Variants in SLC25A28 observed in about 807,000 individuals in gnomAD.
The protein encoded by SLC25A28 is mitoferrin-2.
SLC25A28 carries 10 observed loss-of-function variants against 31.9 expected under a neutral mutation model. The observed-to-expected ratio is 0.31, with a 90% CI of 0.19 to 0.53. The LOEUF (loss-of-function observed/expected upper bound fraction) is 0.53, where lower values mean the gene tolerates loss of function less well. Ranked by LOEUF, SLC25A28 falls within the 20% of genes least tolerant of loss-of-function variation. SLC25A28 has a pLI of 0.95. For synonymous variants in SLC25A28, 208 were observed against 203.6 expected (o/e 1.02, Z -0.19); for missense variants, 256 against 490.3 (o/e 0.52, Z 4.51).
Position 99,613,712 on chromosome 10 carries a change from A to G in SLC25A28, c.504T>C (p.Asn168=). The change falls in exon 2 of 4, where the codon AAT becomes AAC. Residue 168 remains asparagine, a synonymous_variant. Transcript: ENST00000370495. The surrounding 1 kb of genome is among the most constrained non-coding windows in gnomAD (Gnocchi z 4.9). ...TLSDVIHPGG[N]SHIANGAAGC... ...GCTCAATACCATTGGCAATATGGCT[A>G]TTGCCCCCAGGGTGGATTACATCAC... 6.2e-7 allele frequency: 1 copy of G among 1,614,222 alleles called. No individual in the cohort carries two copies. Among genetic ancestry groups the G allele is most frequent in the Non-Finnish European group, 8.5e-7 (1 of 1,180,040 alleles).
At chr10:99,650,641 C>T in the SLC25A28 span, among the ~76,000 whole-genome samples, 1 of 151,870 alleles carries the variant, frequency 6.6e-6, no homozygotes, top group African/African-American at 2.4e-5. Context: ...GCTCACATCT[C>T]AGTCACACAG....
chr10:99,617,984 T>C (rs1431191092), intron 1 of SLC25A28, among the ~76,000 whole-genome samples: 1 of 152,248 alleles, frequency 6.6e-6, no homozygotes, highest in African/African-American at 2.4e-5. Flanking sequence ...AACGGGTTTA[T>C]AGGCCTCAGA....
upstream of SLC25A28, chr10:99,620,619 T>G: frequency 2.0e-6 from 2 of 997,294 alleles, no homozygotes; most frequent in Non-Finnish European, 2.4e-6. Context: ...CCTTTTCCCC[T>G]TTGATCTTAG....
chr10:99,622,636 T>G, upstream of SLC25A28: 2 of 985,340 alleles, frequency 2.0e-6, no homozygotes, highest in Non-Finnish European at 2.4e-6. Flanking sequence ...CACACCACAT[T>G]GGCACTTTTT....
At chr10:99,649,552 T>C in the SLC25A28 span, among the ~76,000 whole-genome samples, 15 of 152,224 alleles carry the variant, frequency 9.9e-5, no homozygotes, top group Non-Finnish European at 8.8e-5. Flanking sequence ...GTATATTTGG[T>C]AGAATTTGGC....
the SLC25A28 span, among the ~76,000 whole-genome samples, chr10:99,643,853 A>C: frequency 6.6e-6 from 1 of 152,186 alleles, no homozygotes; most frequent in African/African-American, 2.4e-5. Flanking sequence ...CAGGTTGTTC[A>C]GTTTCCATGT....
rs756677458 is a variant in SLC25A28 at position 99,620,114 on chromosome 10, C to T, written c.222G>A (p.Thr74=). 5 of 1,583,918 alleles carry T rather than the reference C, an allele frequency of 3.2e-6. No individual in the cohort carries two copies. Among genetic ancestry groups the T allele is most frequent in the Non-Finnish European group, 4.3e-6 (5 of 1,172,600 alleles). The change falls in exon 1 of 4, where the codon ACG becomes ACA. Residue 74 remains threonine (T), a synonymous_variant. Transcript: ENST00000370495. ...CTGCCACGGCGCCTGCCACCATGTG[C>T]GTGGTGACAGTGGCTCCAGCCGGCA... ...EALPAGATVT[T]HMVAGAVAGI...
the SLC25A28 span, among the ~76,000 whole-genome samples, chr10:99,647,740 C>T: frequency 6.6e-6 from 1 of 152,126 alleles, no homozygotes; most frequent in African/African-American, 2.4e-5. Context: ...AGGTCAATGT[C>T]CAGAAGAGTT....
chr10:99,642,317 C>A, the SLC25A28 span, among the ~76,000 whole-genome samples: 1 of 150,386 alleles, frequency 6.6e-6, no homozygotes, highest in African/African-American at 2.4e-5. Flanking sequence ...GTATTTTATT[C>A]TCTTTGAAGC....
the SLC25A28 span, among the ~76,000 whole-genome samples, chr10:99,652,899 A>G: frequency 4.7e-4 from 71 of 152,220 alleles, no homozygotes; most frequent in South Asian, 5.2e-3. Context: ...TTCATTCCTC[A>G]CAGTACCTGA....
In SLC25A28 at chr10:99,620,363, CCCGCCGCCGCTGCCACCACTGCCG is replaced by C; in HGVS notation, c.-52_-29del. On this transcript the variant is annotated 5_prime_UTR_variant, in exon 1 of 4. Transcript: ENST00000370495. ...ACCCGGGCCAGCTGCGGCGCCCACC[CCCGCCGCCGCTGCCACCACTGCCG>C]CCGCCGCCCCCCGGCCCCGTAGTGT... The C allele has an allele frequency of 9.0e-7, 1 of 1,105,822 alleles. No individual in the cohort carries two copies. The highest frequency in any genetic ancestry group is 1.1e-6 in the Non-Finnish European group (1 of 907,848). 68.5% of individuals were successfully genotyped at this position (1,105,822 alleles called of 1,614,324 possible).
At chr10:99,618,666 T>A in intron 1 of SLC25A28, 1 of 985,474 alleles carries the variant, frequency 1.0e-6, no homozygotes, top group Non-Finnish European at 1.2e-6. Context: ...TCCATTTTAG[T>A]CAAGTGCATT....
In SLC25A28 at chr10:99,620,138, C is replaced by G; in HGVS notation, c.198G>C (p.Leu66=). Residue 66 remains leucine, a synonymous_variant, in exon 1 of 4, where the codon CTG becomes CTC. Coordinates refer to ENST00000370495, the MANE Select transcript of SLC25A28 (RefSeq NM_031212.4). ...GCGTGGTGACAGTGGCTCCAGCCGG[C>G]AGCGCCTCGTAGTCCGGGCCGGAGT... ...DPDSGPDYEA[L]PAGATVTTHM... The G allele has an allele frequency of 6.3e-7, 1 of 1,579,852 alleles. No individual in the cohort carries two copies. Among genetic ancestry groups the G allele is most frequent in the Non-Finnish European group, 8.5e-7 (1 of 1,170,992 alleles).
At position 99,611,835 on chromosome 10, in the gene SLC25A28, T is replaced by A. The variant is rs894002466; in HGVS notation, c.578-469A>T. On this transcript the variant is annotated intron_variant, in intron 3 of 3. Coordinates refer to ENST00000370495, the MANE Select transcript of SLC25A28 (RefSeq NM_031212.4). The surrounding 1 kb of genome is among the most constrained non-coding windows in gnomAD (Gnocchi z 5.5). The stretch of plus-strand genomic sequence containing the variant: ...CCTCCTAGAGGGGAGGAGACAGAAG[T>A]TCTACCAAAGAAAAGATTCTTAGCC... Among the ~76,000 whole-genome samples, 1 of 152,106 alleles carries A rather than the reference T, an allele frequency of 6.6e-6. No homozygotes were observed. Among genetic ancestry groups the A allele is most frequent in the African/African-American group, 2.4e-5 (1 of 41,402 alleles).
the SLC25A28 span, among the ~76,000 whole-genome samples, chr10:99,644,776 C>A: frequency 6.6e-6 from 1 of 152,094 alleles, no homozygotes; most frequent in African/African-American, 2.4e-5. Flanking sequence ...TCAGCATTTC[C>A]TTGTCTGTAA....
At chr10:99,631,954 T>C in the SLC25A28 span, among the ~76,000 whole-genome samples, 1 of 125,550 alleles carries the variant, frequency 8.0e-6, no homozygotes, top group African/African-American at 3.0e-5. Flanking sequence ...CGGACTGCAG[T>C]GGCGCAATCT....
At chr10:99,618,950 A>C in intron 1 of SLC25A28, 3 of 985,452 alleles carry the variant, frequency 3.0e-6, no homozygotes, top group Non-Finnish European at 3.6e-6. Context: ...TCACTGTTTG[A>C]CTATTACCCT....
chr10:99,643,617 G>A, the SLC25A28 span, among the ~76,000 whole-genome samples: 1 of 152,058 alleles, frequency 6.6e-6, no homozygotes, highest in Non-Finnish European at 1.5e-5. Flanking sequence ...GCTTTTGAAT[G>A]TGTTTGCTCT....
At chr10:99,656,890 G>A in the SLC25A28 span, among the ~76,000 whole-genome samples, 128,568 of 152,222 alleles carry the variant, frequency 0.84, 54,486 homozygotes, top group Middle Eastern at 0.92. Flanking sequence ...TGGAAACCTC[G>A]GAACTCAGCC....
Sources: gnomAD v4.1 joint callset for allele counts (sites outside exome capture counted in the v4.1 genomes callset) on GRCh38, gnomAD v4.1.1 for gene constraint, Gnocchi (gnomAD v3.1) non-coding constraint, MANE v1.5 for transcripts, NCBI Gene and HGNC (gene_info 2026-07-23, HGNC 2026-07-21) for gene names.